PTPRA: variants seen among roughly 807,000 people sequenced by gnomAD.
PTPRA encodes protein tyrosine phosphatase receptor type A, also known as receptor-type tyrosine-protein phosphatase alpha.
In PTPRA, 25 loss-of-function variants were observed where a neutral mutation model predicts 104.8. That is an observed-to-expected ratio of 0.24 (90% confidence interval 0.17 to 0.33). PTPRA has a LOEUF of 0.33. Ranked by LOEUF, PTPRA falls within the 10% of genes least tolerant of loss-of-function variation. The pLI, the probability that PTPRA is intolerant of heterozygous loss-of-function variation, is 1.00. For synonymous variants in PTPRA, 323 were observed against 368.9 expected (o/e 0.88, Z 1.43); for missense variants, 765 against 1,015.3 (o/e 0.75, Z 3.35).
At chr20:2,952,678 C>T (rs1472327933) in intron 3 of PTPRA, among the ~76,000 whole-genome samples, 1 of 152,172 alleles carries the variant, frequency 6.6e-6, no homozygotes, top group Non-Finnish European at 1.5e-5. Flanking sequence ...CTTTTTCATC[C>T]TCCCTGACTG....
chr20:3,007,524 T>C, intron 11 of PTPRA, 104 bp downstream of exon 11: 4 of 1,283,350 alleles, frequency 3.1e-6, no homozygotes, highest in Non-Finnish European at 4.4e-6. Flanking sequence ...TCATTTCATG[T>C]TTTCCCTGAC....
intron 11 of PTPRA, among the ~76,000 whole-genome samples, chr20:3,015,575 G>A (rs1030618390): frequency 6.6e-6 from 1 of 151,920 alleles, no homozygotes; most frequent in Non-Finnish European, 1.5e-5. Flanking sequence ...CAAAGTTCTG[G>A]GATTACAGGT....
At position 2,881,474 on chromosome 20, in the gene PTPRA, TA is replaced by T. The variant is rs150498359; in HGVS notation, c.-129+7715del. Among the ~76,000 whole-genome samples, 534 of 152,288 alleles carry T rather than the reference TA, an allele frequency of 3.5e-3. 5 individuals are homozygous for T. The highest frequency in any genetic ancestry group is 0.013 in the African/African-American group (522 of 41,546). On this transcript the variant is annotated intron_variant, in intron 1 of 23. Coordinates refer to ENST00000399903, the MANE Select transcript of PTPRA (RefSeq NM_001385305.1). Reference sequence around the variant, plus strand: ...ATAAAGGATATTCCATCAGATGCTTTACAAAATTTTGCTAACTTCAATTATT... The same window carrying T: ...ATAAAGGATATTCCATCAGATGCTTTCAAAATTTTGCTAACTTCAATTATT...
chr20:3,031,572 G>T (rs1209189860), intron 20 of PTPRA, among the ~76,000 whole-genome samples: 2 of 151,958 alleles, frequency 1.3e-5, no homozygotes, highest in Non-Finnish European at 2.9e-5. Context: ...TGATCCCATG[G>T]TCAAGTCACC....
At chr20:2,873,078 C>T (rs1447673739), upstream of PTPRA, among the ~76,000 whole-genome samples, 1 of 152,192 alleles carries the variant, frequency 6.6e-6, no homozygotes, top group Non-Finnish European at 1.5e-5. This position sits in a 1 kb window ranked among gnomAD's most constrained non-coding sequence, Gnocchi z 4.4. Context: ...AAAAGACCCA[C>T]AGTATCACGT....
chr20:3,032,608 A>T (rs1382989475), intron 20 of PTPRA, among the ~76,000 whole-genome samples: 3 of 151,886 alleles, frequency 2.0e-5, no homozygotes, highest in Admixed American at 2.0e-4. Flanking sequence ...TCTACTAAAA[A>T]TACAAAAATT....
At chr20:2,971,958 C>T (rs545939868) in intron 5 of PTPRA, among the ~76,000 whole-genome samples, 39 of 152,136 alleles carry the variant, frequency 2.6e-4, no homozygotes, top group African/African-American at 6.7e-4. Flanking sequence ...CCTCAGCCTC[C>T]GAGTAGCTGG....
the PTPRA span, among the ~76,000 whole-genome samples, chr20:2,867,344 AT>A: frequency 6.6e-6 from 1 of 152,174 alleles, no homozygotes; most frequent in Non-Finnish European, 1.5e-5. Flanking sequence ...GTGGTGAGCA[AT>A]TCCAAGTTGT....
chr20:2,877,549 G>A (rs554610761), intron 1 of PTPRA, among the ~76,000 whole-genome samples: 5 of 152,248 alleles, frequency 3.3e-5, no homozygotes, highest in African/African-American at 9.6e-5. Flanking sequence ...ATGAGCCACC[G>A]TGCCCGGTGA....
intron 1 of PTPRA, among the ~76,000 whole-genome samples, chr20:2,919,849 A>G (rs116328706): frequency 0.017 from 2,518 of 152,316 alleles, 65 homozygotes; most frequent in African/African-American, 0.056. Context: ...ATAGCCCACA[A>G]ACTACAAATG....
chr20:3,005,961 C>T (rs1197742903), intron 10 of PTPRA, among the ~76,000 whole-genome samples: 4 of 151,296 alleles, frequency 2.6e-5, no homozygotes, highest in Non-Finnish European at 4.4e-5. Flanking sequence ...TTGAACCTCA[C>T]TTGATTTTTA....
Position 3,032,756 on chromosome 20 carries a change from C to A in PTPRA, c.1921-2829C>A, listed in dbSNP as rs1286609710. On this transcript the variant is annotated intron_variant, in intron 20 of 23. Transcript: ENST00000399903. ...ATTCCAGCCTGGTGGCAGAGTGAGA[C>A]TCCATCTCAAAAAAAAAAAAAAAAG... is the stretch of plus-strand genomic sequence containing the variant. 1.3e-5 allele frequency among the ~76,000 whole-genome samples: 2 copies of A among 149,114 alleles called. 1 individual carries two copies. Among genetic ancestry groups the A allele is most frequent in the Non-Finnish European group, 3.0e-5 (2 of 67,204 alleles).
intron 12 of PTPRA, among the ~76,000 whole-genome samples, chr20:3,016,860 T>A (rs2064484057): frequency 6.6e-6 from 1 of 152,238 alleles, no homozygotes; most frequent in Non-Finnish European, 1.5e-5. Context: ...CTTCTTATGA[T>A]AGATGACATC....
chr20:2,905,690 C>CTTTTTTTT (rs11479039), intron 1 of PTPRA, among the ~76,000 whole-genome samples: 11 of 70,634 alleles, frequency 1.6e-4, no homozygotes, highest in Non-Finnish European at 2.3e-4. Context: ...TCATAAAATT[C>CTTTTTTTT]TTTTTTTTTT....
At chr20:2,916,003 T>G (rs1014950505) in intron 1 of PTPRA, among the ~76,000 whole-genome samples, 3 of 152,140 alleles carry the variant, frequency 2.0e-5, no homozygotes, top group Non-Finnish European at 4.4e-5. Flanking sequence ...ATTTTATAGT[T>G]GTAGCTTTTT....
chr20:3,019,735 G>T, intron 13 of PTPRA, among the ~76,000 whole-genome samples: 1 of 152,194 alleles, frequency 6.6e-6, no homozygotes, highest in Non-Finnish European at 1.5e-5. Flanking sequence ...CTGGGAGGTG[G>T]AGGTTGTAGC....
chr20:3,027,836 G>C lies in PTPRA; in HGVS notation c.1915G>C (p.Gly639Arg), dbSNP rs147198845. 143 of 1,614,086 alleles carry C rather than the reference G, an allele frequency of 8.9e-5. 1 individual carries two copies. The East Asian group carries it at 2.7e-3, about 31-fold the overall frequency. Residue 639 changes from glycine (G) to arginine (R), a missense_variant, in exon 20 of 24, where the codon GGC becomes CGC. Transcript: ENST00000399903. The part of the protein sequence containing the change: ...IVMLTELEER[G>R]QEKCAQYWPS... Reference sequence around the variant, plus strand: ...GATGCTAACAGAACTGGAGGAGAGAGGCCAGGTGAGTTCAAAAGGTCCTGG... The same window carrying C: ...GATGCTAACAGAACTGGAGGAGAGACGCCAGGTGAGTTCAAAAGGTCCTGG...
At chr20:2,994,507 C>T (rs577070563) in intron 9 of PTPRA, among the ~76,000 whole-genome samples, 34 of 152,348 alleles carry the variant, frequency 2.2e-4, no homozygotes, top group Admixed American at 1.2e-3. Context: ...TAGCATCTCA[C>T]GCTGCTGAGG....
intron 4 of PTPRA, 45 bp from the exon 5 acceptor site, chr20:2,964,816 C>G (rs1213758076): frequency 1.3e-6 from 2 of 1,505,912 alleles, no homozygotes; most frequent in African/African-American, 1.4e-5. Flanking sequence ...GCTTTTTAGC[C>G]TCACATTCTT....
Sources: gnomAD v4.1 joint callset for allele counts (sites outside exome capture counted in the v4.1 genomes callset) on GRCh38, gnomAD v4.1.1 for gene constraint, Gnocchi (gnomAD v3.1) non-coding constraint, MANE v1.5 for transcripts, NCBI Gene and HGNC (gene_info 2026-07-23, HGNC 2026-07-21) for gene names.